Variants in KIF22 observed in about 807,000 individuals in gnomAD.
KIF22 encodes the protein kinesin family member 22, also known as kinesin-like protein KIF22.
A neutral mutation model predicts 73.0 loss-of-function variants in KIF22; 62 were observed. The ratio of observed to expected loss-of-function variants is 0.85; its 90% CI spans 0.69 to 1.05. The LOEUF (loss-of-function observed/expected upper bound fraction) is 1.05. Ranked by LOEUF, KIF22 falls within the 50% of genes least tolerant of loss-of-function variation. KIF22 has a pLI of 0.00. For missense variants in KIF22, 854 were observed against 870.1 expected (o/e 0.98, Z 0.23); for synonymous variants, 411 against 340.1 (o/e 1.21, Z -2.29).
At chr16:29,792,876 G>A (rs976959828) in intron 1 of KIF22, among the ~76,000 whole-genome samples, 1 of 152,146 alleles carries the variant, frequency 6.6e-6, no homozygotes, top group African/African-American at 2.4e-5. Flanking sequence ...ATGACTAGAG[G>A]GCAGGGAGAC....
chr16:29,803,552 G>C lies in KIF22; in HGVS notation c.1553G>C (p.Arg518Pro), dbSNP rs773977158. 3 of 1,613,694 alleles carry C rather than the reference G, an allele frequency of 1.9e-6. No individual in the cohort carries two copies. Among genetic ancestry groups the C allele is most frequent in the African/African-American group, 1.3e-5 (1 of 75,042 alleles). ...ACAATGCTCCGGCCCCTTTCACATC[G>C]CACAGTCACAGGGGCAAAGCCCCTG... The part of the protein sequence containing the change: ...CPTMLRPLSH[R>P]TVTGAKPLKK... The change falls in exon 10 of 14, where the codon CGC becomes CCC. Residue 518 changes from arginine to proline, a missense_variant. Arg to Pro is a moderately radical substitution (Grantham distance 103, BLOSUM62 -2). Transcript: ENST00000160827.
At chr16:29,800,400 T>G (rs1471882433) in intron 8 of KIF22, among the ~76,000 whole-genome samples, 1 of 151,844 alleles carries the variant, frequency 6.6e-6, no homozygotes, top group African/African-American at 2.4e-5. Flanking sequence ...GAGGTTGCAG[T>G]GAGCTGAGAT....
intron 1 of KIF22, among the ~76,000 whole-genome samples, chr16:29,793,528 T>C (rs1488589501): frequency 6.6e-6 from 1 of 152,166 alleles, no homozygotes; most frequent in Non-Finnish European, 1.5e-5. Flanking sequence ...AGCTGTAAGA[T>C]GTTACTGAAG....
chr16:29,796,989 G>A lies in KIF22; in HGVS notation c.167G>A (p.Gly56Glu), dbSNP rs933179669. 11 of 1,613,996 alleles carry A rather than the reference G, an allele frequency of 6.8e-6. No homozygotes were observed. The Admixed American group carries it at 1.3e-4, about 20-fold the overall frequency. The change falls in exon 2 of 14, where the codon GGA becomes GAA. Residue 56 changes from glycine (G) to glutamate (E), a missense_variant. Transcript: ENST00000160827. ...GTGCGACTGCGGCCATTTGTGGATG[G>A]AACAGCGGGAGCAAGTGATCCCCCC... ...VAVRLRPFVD[G>E]TAGASDPPCV...
At chr16:29,790,960 G>A in intron 1 of KIF22, 131 bp downstream of exon 1, 2 of 1,498,510 alleles carry the variant, frequency 1.3e-6, no homozygotes, top group East Asian at 2.5e-5. Context: ...GGGGAGAGGG[G>A]GACGGTGAGA....
chr16:29,796,736 G>A, intron 1 of KIF22, 157 bp from the exon 2 acceptor site: 1 of 634,444 alleles, frequency 1.6e-6, no homozygotes, highest in Non-Finnish European at 2.8e-6. Context: ...GAGCAGGGAA[G>A]GCACTGAGGC....
intron 10 of KIF22, 65 bp from the exon 11 acceptor site, chr16:29,803,933 A>T (rs369261316): frequency 8.1e-7 from 1 of 1,228,658 alleles, no homozygotes; most frequent in African/African-American, 1.5e-5. Context: ...GAAGAATCGA[A>T]GGGCTACCAG....
chr16:29,804,664 A>G (rs555207050), intron 11 of KIF22, 150 bp from the exon 12 acceptor site: 3 of 711,312 alleles, frequency 4.2e-6, no homozygotes, highest in African/African-American at 1.7e-5. Flanking sequence ...TAACCCAGAG[A>G]GTGACCTGAG....
intron 8 of KIF22, among the ~76,000 whole-genome samples, chr16:29,802,038 G>T (rs1374592020): frequency 1.3e-5 from 2 of 151,854 alleles, no homozygotes; most frequent in East Asian, 3.9e-4. Context: ...AGGCCAAGGT[G>T]GGTGGATCAC....
At chr16:29,792,060 C>T (rs1177396024) in intron 1 of KIF22, among the ~76,000 whole-genome samples, 1 of 152,130 alleles carries the variant, frequency 6.6e-6, no homozygotes, top group Admixed American at 6.5e-5. Context: ...GGGAGGACTT[C>T]ATTAAGGGAG....
At chr16:29,794,016 G>A (rs1185458934) in intron 1 of KIF22, among the ~76,000 whole-genome samples, 1 of 152,174 alleles carries the variant, frequency 6.6e-6, no homozygotes, top group Admixed American at 6.5e-5. Context: ...CAGGGATGGA[G>A]GAGTGGGTAG....
At chr16:29,800,133 A>T in intron 8 of KIF22, 85 bp downstream of exon 8, 1 of 1,447,950 alleles carries the variant, frequency 6.9e-7, no homozygotes, top group Non-Finnish European at 9.2e-7. Flanking sequence ...CCTTGAGCAG[A>T]GAGCTGTGAT....
At chr16:29,795,825 A>C (rs1898935608) in intron 1 of KIF22, among the ~76,000 whole-genome samples, 1 of 152,190 alleles carries the variant, frequency 6.6e-6, no homozygotes, top group Non-Finnish European at 1.5e-5. Context: ...ATTCAGGGTT[A>C]AGTTTACATG....
In KIF22 at chr16:29,804,971, C is replaced by A; in HGVS notation, c.1835C>A (p.Pro612Gln). Residue 612 changes from proline to glutamine, a missense_variant, in exon 12 of 14, where the codon CCG becomes CAG. Pro to Gln is a moderately conservative substitution (Grantham distance 76). Coordinates refer to ENST00000160827, the MANE Select transcript of KIF22 (RefSeq NM_007317.3). The stretch of plus-strand genomic sequence containing the variant: ...CTCCGCAGTCTTCAGCGCATTGGCC[C>A]GAAGAAGGCCCAGCTAATCGTGGGC... ...RDLRSLQRIG[P>Q]KKAQLIVGWR... 2 of 1,611,828 alleles carry A rather than the reference C, an allele frequency of 1.2e-6. No homozygotes were observed. The highest frequency in any genetic ancestry group is 1.7e-6 in the Non-Finnish European group (2 of 1,179,164).
At chr16:29,803,262 G>C (rs1420035894) in intron 9 of KIF22, 187 bp from the exon 10 acceptor site, 1 of 672,244 alleles carries the variant, frequency 1.5e-6, no homozygotes, top group East Asian at 2.8e-5. Flanking sequence ...TTCCACCTCT[G>C]GGTAGCCCCC....
At chr16:29,799,233 C>G (rs1168058062) in intron 5 of KIF22, 31 bp from the exon 6 acceptor site, 6 of 1,611,116 alleles carry the variant, frequency 3.7e-6, no homozygotes, top group Non-Finnish European at 5.1e-6. Context: ...GGAGCCTGAG[C>G]TAAGCACGAG....
chr16:29,804,276 G>A (rs1899259351), intron 11 of KIF22: 4 of 615,710 alleles, frequency 6.5e-6, no homozygotes, highest in African/African-American at 1.8e-5. Context: ...GATGTACCTC[G>A]CAGAGCGGAT....
chr16:29,804,860 G>A lies in KIF22; in HGVS notation c.1724G>A (p.Cys575Tyr), dbSNP rs750958843. The A allele has an allele frequency of 8.1e-6, 13 of 1,613,638 alleles. No homozygotes were observed. The highest frequency in any genetic ancestry group is 1.1e-5 in the Non-Finnish European group (13 of 1,179,858). ...ALEPEEKAED[C>Y]WELQISPELL... ...GAGCCTGAGGAGAAGGCTGAGGACT[G>A]CTGGGAGCTACAGATCAGCCCGGAG... The change falls in exon 12 of 14, where the codon TGC becomes TAC. Residue 575 changes from cysteine to tyrosine, a missense_variant. Cys to Tyr is a radical substitution (Grantham distance 194, BLOSUM62 -2). Coordinates refer to ENST00000160827, the MANE Select transcript of KIF22 (RefSeq NM_007317.3).
At chr16:29,805,060 C>CGGGGGGGTGGGGGGGGGG in intron 12 of KIF22, 34 bp downstream of exon 12, 2 of 847,780 alleles carry the variant, frequency 2.4e-6, no homozygotes, top group Non-Finnish European at 3.7e-6. Flanking sequence ...AGGGCGGGGG[C>CGGGGGGGTGGGGGGGGGG]GGGGGAGACC....
Sources: allele counts gnomAD v4.1 joint callset (sites outside exome capture counted in the v4.1 genomes callset), GRCh38; gene constraint gnomAD v4.1.1; transcripts MANE v1.5; gene names NCBI Gene and HGNC (gene_info 2026-07-23, HGNC 2026-07-21).